The following RANBP2 variants were observed in gnomAD, a reference collection of about 807,000 sequenced individuals.
The protein encoded by RANBP2 is RAN binding protein 2.
RANBP2 carries 57 observed loss-of-function variants against 303.6 expected under a neutral mutation model. The ratio of observed to expected loss-of-function variants is 0.19; its 90% CI spans 0.15 to 0.23. The LOEUF (loss-of-function observed/expected upper bound fraction) is 0.23, where lower values mean the gene tolerates loss of function less well. RANBP2 is among the 10% of genes least tolerant of loss of function. The pLI is 1.00. For missense variants in RANBP2, 3,138 were observed against 3,780.8 expected (o/e 0.83, Z 4.46); for synonymous variants, 1,167 against 1,301.5 (o/e 0.90, Z 2.23).
the RANBP2 span, among the ~76,000 whole-genome samples, chr2:109,549,495 T>C: frequency 6.6e-6 from 1 of 152,208 alleles, no homozygotes; most frequent in East Asian, 1.9e-4. Context: ...AACTATTCCA[T>C]ACACATGAAG....
chr2:108,867,678 A>G, the RANBP2 span, among the ~76,000 whole-genome samples: 1 of 152,206 alleles, frequency 6.6e-6, no homozygotes, highest in Non-Finnish European at 1.5e-5. Context: ...GTGTTTTTCA[A>G]AGACTACCTA....
the RANBP2 span, among the ~76,000 whole-genome samples, chr2:109,683,197 G>T: frequency 6.6e-6 from 1 of 152,102 alleles, no homozygotes. Flanking sequence ...GTGGAGACAG[G>T]GTTTCACCAT....
the RANBP2 span, among the ~76,000 whole-genome samples, chr2:109,013,062 C>G: frequency 6.6e-6 from 1 of 152,216 alleles, no homozygotes; most frequent in Non-Finnish European, 1.5e-5. Flanking sequence ...ACACCTAACA[C>G]CTTATTTAAG....
At chr2:109,623,057 G>A in the RANBP2 span, among the ~76,000 whole-genome samples, 1 of 152,306 alleles carries the variant, frequency 6.6e-6, no homozygotes, top group South Asian at 2.1e-4. Context: ...AACCCAGGAG[G>A]CAGAGCTTGC....
the RANBP2 span, among the ~76,000 whole-genome samples, chr2:109,482,647 TG>T: frequency 1.3e-5 from 2 of 152,174 alleles, no homozygotes; most frequent in African/African-American, 2.4e-5. Context: ...GTGCTGTAAA[TG>T]GTAATAATCC....
At chr2:109,715,038 G>A in the RANBP2 span, among the ~76,000 whole-genome samples, 4 of 151,970 alleles carry the variant, frequency 2.6e-5, no homozygotes, top group South Asian at 2.1e-4. Context: ...AGTGTGATCG[G>A]CTCATTGCAA....
the RANBP2 span, chr2:108,812,943 G>A: frequency 6.2e-7 from 1 of 1,609,560 alleles, no homozygotes; most frequent in South Asian, 1.1e-5. Flanking sequence ...TTTGAATTAT[G>A]ATTTGATATG....
rs1677085537 is a variant in RANBP2 at position 108,765,943 on chromosome 2, G to A, written c.5404G>A (p.Val1802Met). 1 of 1,614,168 alleles carries A rather than the reference G, an allele frequency of 6.2e-7. No homozygotes were observed. Among genetic ancestry groups the A allele is most frequent in the Non-Finnish European group, 8.5e-7 (1 of 1,179,978 alleles). Residue 1802 changes from valine to methionine, a missense_variant, in exon 20 of 29, where the codon GTG (valine) becomes ATG (methionine). By Grantham distance (21) the Val-to-Met change is conservative. Transcript: ENST00000283195. Reference sequence around the variant, plus strand: ...AAATGAGAGTTCTTCCTTAAAATGTGTGGCTTGTGATGCCTCTAAACCAAC... The same window carrying A: ...AAATGAGAGTTCTTCCTTAAAATGTATGGCTTGTGATGCCTCTAAACCAAC... ...VQNESSSLKC[V>M]ACDASKPTHK... is the part of the protein sequence containing the mutation.
At chr2:109,494,395 C>T in the RANBP2 span, among the ~76,000 whole-genome samples, 1 of 152,180 alleles carries the variant, frequency 6.6e-6, no homozygotes, top group Non-Finnish European at 1.5e-5. Flanking sequence ...GAAGTGCCCC[C>T]TCCCCTCAAC....
chr2:109,279,072 T>A, the RANBP2 span, among the ~76,000 whole-genome samples: 53,015 of 152,068 alleles, frequency 0.35, 9,372 homozygotes, highest in South Asian at 0.41. Context: ...TAAGAGGATC[T>A]TGGGAACTGC....
the RANBP2 span, among the ~76,000 whole-genome samples, chr2:108,933,025 G>A: frequency 2.0e-5 from 3 of 152,108 alleles, no homozygotes; most frequent in Non-Finnish European, 4.4e-5. Flanking sequence ...GCCTTAAGAT[G>A]GTACGCTTGT....
chr2:109,663,480 T>C, the RANBP2 span, among the ~76,000 whole-genome samples: 1 of 152,362 alleles, frequency 6.6e-6, no homozygotes, highest in Admixed American at 6.5e-5. Flanking sequence ...CCTACTCCTG[T>C]TGGCTTCTTT....
the RANBP2 span, among the ~76,000 whole-genome samples, chr2:109,556,061 A>T: frequency 6.6e-6 from 1 of 152,152 alleles, no homozygotes; most frequent in Non-Finnish European, 1.5e-5. Flanking sequence ...CTCTCTAGAC[A>T]TTTCAGTTTC....
At chr2:109,498,823 T>TG in the RANBP2 span, among the ~76,000 whole-genome samples, 2 of 151,854 alleles carry the variant, frequency 1.3e-5, no homozygotes, top group African/African-American at 4.8e-5. Flanking sequence ...CAGTGGAAGA[T>TG]GGTAAGAGCT....
the RANBP2 span, among the ~76,000 whole-genome samples, chr2:109,666,783 A>C: frequency 6.6e-6 from 1 of 152,204 alleles, no homozygotes. Context: ...AAAAATAATC[A>C]CCTCAGTGGC....
At chr2:109,214,995 C>T in the RANBP2 span, among the ~76,000 whole-genome samples, 2 of 152,176 alleles carry the variant, frequency 1.3e-5, no homozygotes, top group Non-Finnish European at 2.9e-5. Context: ...TTGGTGGAGG[C>T]AGAGTAAGAT....
chr2:109,507,873 T>G, the RANBP2 span, among the ~76,000 whole-genome samples: 1 of 152,206 alleles, frequency 6.6e-6, no homozygotes, highest in Admixed American at 6.5e-5. Context: ...GGCATTCTGC[T>G]GGACCTAGGG....
chr2:108,910,711 G>A, the RANBP2 span: 1 of 1,579,118 alleles, frequency 6.3e-7, no homozygotes, highest in Non-Finnish European at 8.7e-7. Context: ...GGCTGCTTCT[G>A]GGAACGCCCT....
chr2:108,750,265 CTG>C (rs1057443017), intron 9 of RANBP2, among the ~76,000 whole-genome samples: 24 of 152,372 alleles, frequency 1.6e-4, no homozygotes, highest in Admixed American at 9.8e-4. Flanking sequence ...CCCACAGTCT[CTG>C]TATTAAAACT....
Sources: allele counts gnomAD v4.1 joint callset (sites outside exome capture counted in the v4.1 genomes callset), GRCh38; gene constraint gnomAD v4.1.1; transcripts MANE v1.5; gene names NCBI Gene and HGNC (gene_info 2026-07-23, HGNC 2026-07-21).